The following TRIM55 variants were observed in gnomAD, a reference collection of about 807,000 sequenced individuals.
The protein encoded by TRIM55 is tripartite motif-containing protein 55.
A neutral mutation model predicts 60.9 loss-of-function variants in TRIM55; 50 were observed. The observed-to-expected ratio is 0.82, with a 90% CI of 0.65 to 1.04. The LOEUF (loss-of-function observed/expected upper bound fraction) is 1.04, where lower values mean the gene tolerates loss of function less well. Among genes scored for constraint, TRIM55 ranks in the 50% least tolerant of loss-of-function variants. The pLI is 0.00. For missense variants in TRIM55, 681 were observed against 666.9 expected, an observed-to-expected ratio of 1.02 and a Z score of -0.23; for synonymous variants, 237 against 238.1, an observed-to-expected ratio of 1.00 and a Z score of 0.04.
At chr8:66,118,209 G>T in the TRIM55 span, among the ~76,000 whole-genome samples, 1 of 142,818 alleles carries the variant, frequency 7.0e-6, no homozygotes, top group African/African-American at 2.7e-5. Context: ...GTGTTCAGAG[G>T]AAAGTAAAAT....
intron 9 of TRIM55, among the ~76,000 whole-genome samples, chr8:66,165,582 A>G (rs534866293): frequency 6.6e-6 from 1 of 152,188 alleles, no homozygotes; most frequent in Admixed American, 6.5e-5. Flanking sequence ...CAGGGTGTCA[A>G]ATTATTTTCA....
chr8:66,137,234 G>A, intron 4 of TRIM55, 44 bp downstream of exon 4: 1 of 1,483,784 alleles, frequency 6.7e-7, no homozygotes, highest in Non-Finnish European at 9.4e-7. Context: ...AGCCTGCAAT[G>A]CCTGGGGGTT....
intron 7 of TRIM55, among the ~76,000 whole-genome samples, chr8:66,151,522 A>G (rs1196063630): frequency 1.3e-5 from 2 of 152,230 alleles, no homozygotes; most frequent in Middle Eastern, 6.8e-3. Flanking sequence ...ATCGCTTAAT[A>G]TTGCCTGTCC....
intron 2 of TRIM55, among the ~76,000 whole-genome samples, chr8:66,131,847 C>T (rs1809177249): frequency 1.3e-5 from 2 of 152,196 alleles, no homozygotes; most frequent in Non-Finnish European, 2.9e-5. Flanking sequence ...CCAGATGTTC[C>T]TAATTTCCAA....
chr8:66,127,540 A>G, intron 1 of TRIM55, 104 bp downstream of exon 1: 1 of 1,414,118 alleles, frequency 7.1e-7, no homozygotes, highest in South Asian at 1.3e-5. Context: ...AAAACTTTAT[A>G]AGGTTGCCGG....
rs368175659 is a variant in TRIM55, at chr8:66,154,046, G to C, written c.1237-1G>C. The C allele has an allele frequency of 2.5e-6, 4 of 1,609,918 alleles. No homozygotes were observed. The highest frequency in any genetic ancestry group is 3.4e-6 in the Non-Finnish European group (4 of 1,177,690). On this transcript the variant is annotated splice_acceptor_variant, in intron 8 of 9. Coordinates refer to ENST00000315962, the MANE Select transcript of TRIM55 (RefSeq NM_184085.2). LOFTEE classifies it high-confidence loss of function. The stretch of plus-strand genomic sequence containing the variant: ...TTTTGAATTTATCTGTCCTGATTAA[G>C]GGGGAGGTTGTACCCACTGGCTCTG...
intron 9 of TRIM55, among the ~76,000 whole-genome samples, chr8:66,169,641 C>T (rs1245610944): frequency 6.6e-6 from 1 of 151,528 alleles, no homozygotes. Flanking sequence ...ACATTGCTTG[C>T]TTTCCTTTTT....
At chr8:66,144,019 C>T (rs1809967945) in intron 4 of TRIM55, among the ~76,000 whole-genome samples, 1 of 152,134 alleles carries the variant, frequency 6.6e-6, no homozygotes. Flanking sequence ...GTTGATTTTT[C>T]TTTCCATGAA....
At chr8:66,121,549 T>C in the TRIM55 span, among the ~76,000 whole-genome samples, 1 of 151,938 alleles carries the variant, frequency 6.6e-6, no homozygotes, top group Non-Finnish European at 1.5e-5. Context: ...GTCACCCAAC[T>C]GGGTGTCTAA....
chr8:66,141,182 C>T (rs1039886857), intron 4 of TRIM55, among the ~76,000 whole-genome samples: 1 of 152,184 alleles, frequency 6.6e-6, no homozygotes, highest in Admixed American at 6.5e-5. Context: ...AGAATAATGT[C>T]TGCATTAACA....
chr8:66,136,325 A>G (rs1442110571), intron 3 of TRIM55, among the ~76,000 whole-genome samples: 2 of 152,156 alleles, frequency 1.3e-5, no homozygotes, highest in African/African-American at 4.8e-5. Context: ...ATTAGCTTTC[A>G]CTTGAAGAAG....
intron 9 of TRIM55, among the ~76,000 whole-genome samples, chr8:66,165,594 A>G (rs1447745304): frequency 6.6e-6 from 1 of 152,224 alleles, no homozygotes; most frequent in African/African-American, 2.4e-5. Context: ...TTATTTTCAA[A>G]CAGAGATCCC....
At chr8:66,130,365 G>C (rs2128973017) in intron 2 of TRIM55, among the ~76,000 whole-genome samples, 1 of 152,280 alleles carries the variant, frequency 6.6e-6, no homozygotes, top group African/African-American at 2.4e-5. Flanking sequence ...TTTCCTGTGG[G>C]ACAATTTTAC....
intron 7 of TRIM55, 173 bp from the exon 8 acceptor site, chr8:66,152,204 A>AT (rs1429250656): frequency 1.2e-6 from 1 of 818,320 alleles, no homozygotes; most frequent in Non-Finnish European, 1.9e-6. Context: ...TCCAGTCCAC[A>AT]TTCCACTAGA....
Position 66,152,380 on chromosome 8 carries a change from A to T in TRIM55, c.989A>T (p.Asp330Val). The change falls in exon 8 of 10, where the codon GAT becomes GTT. Residue 330 changes from aspartate to valine, a missense_variant. By Grantham distance (152) the Asp-to-Val change is radical (BLOSUM62 -3). Transcript: ENST00000315962. ...IIREIDFYREDEDEEEEEGGE... is the reference protein window; with the variant it reads ...IIREIDFYREVEDEEEEEGGE... ...ACAAGATACCTTACCTTACCAGAAG[A>T]TGAAGATGAAGAAGAAGAAGAAGGC... The T allele has an allele frequency of 6.3e-7, 1 of 1,582,976 alleles. No individual in the cohort carries two copies.
At chr8:66,119,358 T>G in the TRIM55 span, among the ~76,000 whole-genome samples, 16 of 152,334 alleles carry the variant, frequency 1.1e-4, no homozygotes, top group Non-Finnish European at 1.9e-4. Context: ...ACCATATCGG[T>G]TTTTTATTTC....
chr8:66,147,838 A>G (rs900182325), intron 4 of TRIM55, among the ~76,000 whole-genome samples: 11 of 151,744 alleles, frequency 7.2e-5, no homozygotes, highest in African/African-American at 2.7e-4. Flanking sequence ...TATTCAACAG[A>G]TATTTAGTGA....
At chr8:66,150,043 G>A (rs2128980008) in intron 5 of TRIM55, among the ~76,000 whole-genome samples, 165 bp downstream of exon 5, 1 of 152,258 alleles carries the variant, frequency 6.6e-6, no homozygotes, top group African/African-American at 2.4e-5. Context: ...AACTTAAATA[G>A]CATGTCTATG....
At chr8:66,144,368 T>G (rs549694420) in intron 4 of TRIM55, among the ~76,000 whole-genome samples, 2 of 152,352 alleles carry the variant, frequency 1.3e-5, no homozygotes, top group East Asian at 3.9e-4. Flanking sequence ...AGAAATGGGA[T>G]GAATTTTATT....
Sources: gnomAD v4.1 joint callset for allele counts (sites outside exome capture counted in the v4.1 genomes callset) on GRCh38, gnomAD v4.1.1 for gene constraint, MANE v1.5 for transcripts, NCBI Gene and HGNC (gene_info 2026-07-23, HGNC 2026-07-21) for gene names.